Variants in CLYBL observed in about 807,000 individuals in gnomAD.
The protein encoded by CLYBL is citramalyl-CoA lyase.
A neutral mutation model predicts 38.9 loss-of-function variants in CLYBL; 31 were observed. The observed-to-expected ratio is 0.80, with a 90% CI of 0.60 to 1.08. The LOEUF (loss-of-function observed/expected upper bound fraction) is 1.08, where lower values mean the gene tolerates loss of function less well. CLYBL is among the 50% of genes least tolerant of loss of function. CLYBL has a pLI of 0.00. For missense variants in CLYBL, 434 were observed against 411.6 expected (o/e 1.05, Z -0.47); for synonymous variants, 171 against 158.6 (o/e 1.08, Z -0.59).
chr13:99,781,896 T>G (rs2049663648), intron 2 of CLYBL, among the ~76,000 whole-genome samples: 1 of 152,264 alleles, frequency 6.6e-6, no homozygotes, highest in Non-Finnish European at 1.5e-5. Context: ...ATGCCTAAAA[T>G]TAATCCATAT....
chr13:99,617,048 G>A (rs1445594481), intron 1 of CLYBL, among the ~76,000 whole-genome samples: 1 of 152,122 alleles, frequency 6.6e-6, no homozygotes, highest in Non-Finnish European at 1.5e-5. Flanking sequence ...ATACTTGAGT[G>A]AGCAAGTCTG....
chr13:99,870,878 C>T (rs1235601202), intron 6 of CLYBL, 60 bp from the exon 7 acceptor site: 7 of 1,537,498 alleles, frequency 4.6e-6, no homozygotes. Context: ...GCGATAGAAA[C>T]ATTTTGTTTG....
rs1489506843 is a variant in CLYBL at position 99,832,999 on chromosome 13, C to CAT, written c.250-25860_250-25859dup. Among the ~76,000 whole-genome samples the CAT allele has an allele frequency of 6.2e-3, 332 of 53,660 alleles. 49 individuals carry two copies. Among genetic ancestry groups the CAT allele is most frequent in the South Asian group, 0.02 (24 of 1,192 alleles). 35.2% of individuals were successfully genotyped at this position (53,660 alleles called of 152,430 possible). On this transcript the variant is annotated intron_variant, in intron 2 of 8. Transcript: ENST00000339105. ...CATTTCATTAAGTAGTATATACATA[C>CAT]ATACATACATATATATATATATATA...
chr13:99,802,150 T>C (rs1403475159), intron 2 of CLYBL, among the ~76,000 whole-genome samples: 2 of 152,244 alleles, frequency 1.3e-5, no homozygotes, highest in East Asian at 3.8e-4. Flanking sequence ...CTTACAGTTC[T>C]GGAGGCTGGT....
At chr13:99,901,637 A>ATTTTTTTTTTTT (rs1413984777), downstream of CLYBL, among the ~76,000 whole-genome samples, 1 of 65,440 alleles carries the variant, frequency 1.5e-5, no homozygotes, top group Non-Finnish European at 3.1e-5. Flanking sequence ...GGTTTTTTGG[A>ATTTTTTTTTTTT]TTTTTTTGTT....
chr13:99,640,145 AACTAATGCCCAAAGTACCTGTCTAACTC>A (rs2047073362), intron 1 of CLYBL, among the ~76,000 whole-genome samples: 1 of 152,218 alleles, frequency 6.6e-6, no homozygotes, highest in Non-Finnish European at 1.5e-5. Context: ...TAATCATGAA[AACTAATGCCCAAAGTACCTGTCTAACTC>A]AAAATAATTG....
At chr13:99,781,324 C>T (rs2049647709) in intron 2 of CLYBL, among the ~76,000 whole-genome samples, 2 of 151,966 alleles carry the variant, frequency 1.3e-5, no homozygotes, top group Admixed American at 6.6e-5. Flanking sequence ...GCGCCCACCA[C>T]CATGCCCAGC....
intron 1 of CLYBL, among the ~76,000 whole-genome samples, chr13:99,770,428 C>T (rs1383109418): frequency 6.6e-6 from 1 of 152,160 alleles, no homozygotes; most frequent in African/African-American, 2.4e-5. Flanking sequence ...CGCCATTCTC[C>T]TGCCTCAGCC....
At chr13:99,725,752 G>A (rs1393259738) in intron 1 of CLYBL, among the ~76,000 whole-genome samples, 1 of 152,152 alleles carries the variant, frequency 6.6e-6, no homozygotes, top group South Asian at 2.1e-4. Context: ...TGAAAGGGTG[G>A]ATTTGGTTCT....
At chr13:99,829,805 C>A (rs1594208367) in intron 2 of CLYBL, among the ~76,000 whole-genome samples, 1 of 152,154 alleles carries the variant, frequency 6.6e-6, no homozygotes, top group African/African-American at 2.4e-5. Context: ...AGCCTTGCAG[C>A]CTTTCAGGTA....
At position 99,644,882 on chromosome 13, in the gene CLYBL, G is replaced by T. The variant is rs114354816; in HGVS notation, c.62+38125G>T. Among the ~76,000 whole-genome samples, 693 of 152,274 alleles carry T rather than the reference G, an allele frequency of 4.6e-3. 4 individuals carry two copies. The highest frequency in any genetic ancestry group is 0.016 in the African/African-American group (655 of 41,546). ...TTTTATGACTGAATAGTACTTCATT[G>T]TGTATATGTACCACAATTTCTTGAT... is the stretch of plus-strand genomic sequence containing the variant. On this transcript the variant is annotated intron_variant, in intron 1 of 8. Coordinates refer to ENST00000339105, the MANE Select transcript of CLYBL (RefSeq NM_206808.5).
At chr13:99,828,108 G>A (rs2050732268) in intron 2 of CLYBL, among the ~76,000 whole-genome samples, 1 of 152,130 alleles carries the variant, frequency 6.6e-6, no homozygotes, top group Non-Finnish European at 1.5e-5. Context: ...TATTTTCAAA[G>A]ACAACATGAA....
intron 2 of CLYBL, among the ~76,000 whole-genome samples, chr13:99,851,288 G>T (rs2051322877): frequency 6.8e-6 from 1 of 147,214 alleles, no homozygotes; most frequent in Admixed American, 7.0e-5. Context: ...AATCACTTGA[G>T]TACGGGAGGC....
chr13:99,724,700 A>C (rs1234676025), intron 1 of CLYBL, among the ~76,000 whole-genome samples: 3 of 152,208 alleles, frequency 2.0e-5, no homozygotes, highest in Non-Finnish European at 4.4e-5. Context: ...GAACGCACCG[A>C]GTTACACACA....
intron 2 of CLYBL, among the ~76,000 whole-genome samples, chr13:99,833,668 G>A (rs1049562957): frequency 1.3e-5 from 2 of 149,984 alleles, no homozygotes; most frequent in African/African-American, 2.5e-5. Context: ...GACAGGAAGC[G>A]GGGTTACCGT....
chr13:99,710,655 G>A (rs897769917), intron 1 of CLYBL, among the ~76,000 whole-genome samples: 2 of 151,964 alleles, frequency 1.3e-5, no homozygotes, highest in African/African-American at 4.8e-5. Flanking sequence ...CTTCTTCTCC[G>A]GTATCAGCCC....
At chr13:99,907,669 C>T (rs2052710657) in intron 9 of CLYBL, among the ~76,000 whole-genome samples, 1 of 152,048 alleles carries the variant, frequency 6.6e-6, no homozygotes. Context: ...ACCAGCCTGG[C>T]AACGTAGCAT....
intron 1 of CLYBL, among the ~76,000 whole-genome samples, chr13:99,644,265 A>G (rs1320516268): frequency 2.0e-5 from 3 of 152,030 alleles, no homozygotes; most frequent in Non-Finnish European, 4.4e-5. Context: ...ATGTATGTAT[A>G]TATGGTGTAT....
At chr13:99,656,319 G>A (rs556273815) in intron 1 of CLYBL, among the ~76,000 whole-genome samples, 1 of 152,216 alleles carries the variant, frequency 6.6e-6, no homozygotes, top group South Asian at 2.1e-4. Flanking sequence ...CTCACACATT[G>A]GTGTTCAGTC....
Sources: allele counts gnomAD v4.1 joint callset (sites outside exome capture counted in the v4.1 genomes callset), GRCh38; gene constraint gnomAD v4.1.1; transcripts MANE v1.5; gene names NCBI Gene and HGNC (gene_info 2026-07-23, HGNC 2026-07-21).